Variants in EPHB1 observed in about 807,000 individuals in gnomAD.
EPHB1 encodes the protein EPH receptor B1, also known as ephrin type-B receptor 1.
Under a neutral mutation model 94.4 loss-of-function variants are expected in EPHB1, and 30 were observed. The ratio of observed to expected loss-of-function variants is 0.32; its 90% CI spans 0.24 to 0.43. EPHB1 has a LOEUF of 0.43. Among genes scored for constraint, EPHB1 ranks in the 20% least tolerant of loss-of-function variants. EPHB1 has a pLI of 1.00. For synonymous variants in EPHB1, 522 were observed against 489.1 expected, an observed-to-expected ratio of 1.07 and a Z score of -0.89; for missense variants, 1,055 against 1,308.3, an observed-to-expected ratio of 0.81 and a Z score of 2.99.
intron 15 of EPHB1, among the ~76,000 whole-genome samples, chr3:135,258,419 T>A (rs1933510009): frequency 6.6e-6 from 1 of 152,214 alleles, no homozygotes; most frequent in Admixed American, 6.5e-5. Context: ...AGCCATGAAC[T>A]TGTTCTTATT....
At chr3:134,911,005 G>T (rs1277211740) in intron 1 of EPHB1, among the ~76,000 whole-genome samples, 1 of 152,252 alleles carries the variant, frequency 6.6e-6, no homozygotes, top group Non-Finnish European at 1.5e-5. Flanking sequence ...ATTGAGACCT[G>T]CTCTGAATGG....
chr3:134,922,992 G>A (rs1018558209), intron 1 of EPHB1, among the ~76,000 whole-genome samples: 6 of 152,152 alleles, frequency 3.9e-5, no homozygotes, highest in Non-Finnish European at 1.5e-5. Flanking sequence ...CTCATGGAGT[G>A]TCTTCTGAGA....
At chr3:134,960,735 G>T (rs780465498) in intron 3 of EPHB1, among the ~76,000 whole-genome samples, 4 of 152,208 alleles carry the variant, frequency 2.6e-5, no homozygotes, top group Non-Finnish European at 5.9e-5. Context: ...GAGAGCCTCA[G>T]GAAGCCTCTT....
intron 3 of EPHB1, among the ~76,000 whole-genome samples, chr3:134,976,523 G>A (rs1005741433): frequency 3.9e-5 from 6 of 152,194 alleles, no homozygotes; most frequent in Non-Finnish European, 7.3e-5. Flanking sequence ...GTCTTGTTTG[G>A]TTTGAAACAT....
intron 5 of EPHB1, among the ~76,000 whole-genome samples, chr3:135,143,844 A>T (rs752034441): frequency 6.6e-6 from 1 of 152,220 alleles, no homozygotes; most frequent in Non-Finnish European, 1.5e-5. Context: ...TAAATGGCAC[A>T]TTCTAAGACA....
At chr3:135,252,125 T>C (rs1387207248) in intron 15 of EPHB1, among the ~76,000 whole-genome samples, 3 of 151,956 alleles carry the variant, frequency 2.0e-5, no homozygotes, top group Admixed American at 1.3e-4. Context: ...TATCTACCCA[T>C]AGCATGCACA....
chr3:135,137,725 A>G (rs771120625), intron 5 of EPHB1, among the ~76,000 whole-genome samples: 2 of 152,164 alleles, frequency 1.3e-5, no homozygotes, highest in African/African-American at 2.4e-5. Flanking sequence ...CAGATAGAAA[A>G]TCACTCTGTA....
intron 6 of EPHB1, 146 bp downstream of exon 6, chr3:135,154,422 T>C: frequency 8.7e-7 from 1 of 1,151,004 alleles, no homozygotes. Context: ...GGGAGAGTTC[T>C]CCAGGTCTGC....
At chr3:134,984,759 G>A (rs1315259013) in intron 3 of EPHB1, among the ~76,000 whole-genome samples, 3 of 152,184 alleles carry the variant, frequency 2.0e-5, no homozygotes, top group Admixed American at 6.5e-5. Context: ...CCAGGTATGT[G>A]CCTCCAGTGT....
rs540267430 is a variant in EPHB1 at position 134,839,665 on chromosome 3, G to T, written c.58+43976G>T. ...TGACTCTGACTGGAGTGAGAGAGGGGCAGTGCCCTGGGATAGGGTCTGGCA... is the reference window on the plus strand; with the variant it reads ...TGACTCTGACTGGAGTGAGAGAGGGTCAGTGCCCTGGGATAGGGTCTGGCA... On this transcript the variant is annotated intron_variant, in intron 1 of 15. Coordinates refer to ENST00000398015, the MANE Select transcript of EPHB1 (RefSeq NM_004441.5). Among the ~76,000 whole-genome samples the T allele has an allele frequency of 9.9e-4, 150 of 152,278 alleles. 1 individual carries two copies. The highest frequency in any genetic ancestry group is 3.5e-3 in the African/African-American group (146 of 41,546).
At chr3:134,856,643 G>A (rs60531499) in intron 1 of EPHB1, among the ~76,000 whole-genome samples, 30,971 of 152,180 alleles carry the variant, frequency 0.2, 3,491 homozygotes, top group African/African-American at 0.3. Context: ...GTGGCTAGTC[G>A]CAACTGAGAG....
chr3:134,844,212 T>A (rs1248439480), intron 1 of EPHB1, among the ~76,000 whole-genome samples: 1 of 152,236 alleles, frequency 6.6e-6, no homozygotes, highest in Non-Finnish European at 1.5e-5. Flanking sequence ...GGGTTAACGG[T>A]CTGCCAATGA....
At chr3:135,157,858 A>T (rs995126899) in intron 6 of EPHB1, among the ~76,000 whole-genome samples, 1 of 152,232 alleles carries the variant, frequency 6.6e-6, no homozygotes, top group African/African-American at 2.4e-5. Context: ...CCTTAAAGGA[A>T]AAAAAGTGTA....
intron 1 of EPHB1, among the ~76,000 whole-genome samples, chr3:134,798,483 C>T (rs1175017584): frequency 1.3e-5 from 2 of 152,168 alleles, no homozygotes; most frequent in Non-Finnish European, 2.9e-5. Flanking sequence ...CCTCCTTTCC[C>T]CCCACACTCC....
intron 10 of EPHB1, among the ~76,000 whole-genome samples, chr3:135,182,086 A>G (rs938262016): frequency 2.0e-5 from 3 of 152,140 alleles, no homozygotes; most frequent in African/African-American, 7.2e-5. Context: ...TGCAATTTTA[A>G]CAGAAGACAC....
At chr3:135,258,403 A>T (rs999240893) in intron 15 of EPHB1, among the ~76,000 whole-genome samples, 1 of 152,218 alleles carries the variant, frequency 6.6e-6, no homozygotes, top group Admixed American at 6.5e-5. Flanking sequence ...GCACAGGTCA[A>T]CTATAAGCCA....
chr3:135,014,146 A>C (rs1935714434), intron 3 of EPHB1, among the ~76,000 whole-genome samples: 1 of 152,150 alleles, frequency 6.6e-6, no homozygotes, highest in Non-Finnish European at 1.5e-5. Context: ...TGGGCACCTG[A>C]TCTCAAACCA....
At chr3:134,947,553 C>T (rs1317766932) in intron 2 of EPHB1, among the ~76,000 whole-genome samples, 1 of 152,186 alleles carries the variant, frequency 6.6e-6, no homozygotes, top group African/African-American at 2.4e-5. Flanking sequence ...AATTTCCTCT[C>T]ATTTGCTTTG....
intron 1 of EPHB1, among the ~76,000 whole-genome samples, chr3:134,894,322 T>C (rs1013579185): frequency 6.6e-6 from 1 of 152,178 alleles, no homozygotes; most frequent in Non-Finnish European, 1.5e-5. Flanking sequence ...GCCATGAAGC[T>C]CAGGTCACCC....
Sources: gnomAD v4.1 joint callset for allele counts (sites outside exome capture counted in the v4.1 genomes callset) on GRCh38, gnomAD v4.1.1 for gene constraint, MANE v1.5 for transcripts, NCBI Gene and HGNC (gene_info 2026-07-23, HGNC 2026-07-21) for gene names.